Variants in BCKDHB observed in about 807,000 individuals in gnomAD.
BCKDHB encodes branched chain keto acid dehydrogenase E1 subunit beta.
BCKDHB carries 41 observed loss-of-function variants against 48.5 expected under a neutral mutation model. That is an observed-to-expected ratio of 0.85 (90% confidence interval 0.66 to 1.10). The LOEUF (loss-of-function observed/expected upper bound fraction) is 1.10, where lower values mean the gene tolerates loss of function less well. BCKDHB is among the 50% of genes least tolerant of loss of function. The probability of loss-of-function intolerance (pLI) is 0.00; values close to 1 mark genes in which losing one functional copy is unlikely to be tolerated. For synonymous variants in BCKDHB, 201 were observed against 174.8 expected (o/e 1.15, Z -1.18); for missense variants, 496 against 494.2 (o/e 1.00, Z -0.03).
chr6:80,178,933 T>G (rs1773289682), intron 6 of BCKDHB, among the ~76,000 whole-genome samples: 1 of 152,216 alleles, frequency 6.6e-6, no homozygotes, highest in Non-Finnish European at 1.5e-5. Flanking sequence ...ATGGAGGACA[T>G]AAATGAAATA....
intron 3 of BCKDHB, among the ~76,000 whole-genome samples, chr6:80,144,900 G>A (rs1027024514): frequency 6.6e-6 from 1 of 152,106 alleles, no homozygotes. Context: ...TTGTCTTGTA[G>A]CAGTATAGTG....
chr6:80,390,916 C>T, the BCKDHB span, among the ~76,000 whole-genome samples: 2 of 152,064 alleles, frequency 1.3e-5, no homozygotes, highest in South Asian at 4.1e-4. Context: ...TGGGCGCCAT[C>T]CAATCAGCTG....
intron 8 of BCKDHB, among the ~76,000 whole-genome samples, chr6:80,239,807 A>G (rs1387771794): frequency 2.0e-5 from 3 of 152,166 alleles, no homozygotes; most frequent in Non-Finnish European, 4.4e-5. Context: ...ATCCAGTTTC[A>G]GCTTTCTACG....
chr6:80,337,342 G>C (rs1326270343), intron 9 of BCKDHB, among the ~76,000 whole-genome samples: 1 of 152,024 alleles, frequency 6.6e-6, no homozygotes, highest in African/African-American at 2.4e-5. Flanking sequence ...TAGAATACTG[G>C]TTTTGTTTTT....
At chr6:80,156,339 A>G (rs1339349115) in intron 3 of BCKDHB, among the ~76,000 whole-genome samples, 1 of 152,038 alleles carries the variant, frequency 6.6e-6, no homozygotes, top group African/African-American at 2.4e-5. Flanking sequence ...TCTGAAGTGT[A>G]TGAGGCTTTC....
At chr6:80,242,527 GATTA>G (rs1262962573) in intron 8 of BCKDHB, among the ~76,000 whole-genome samples, 2 of 152,058 alleles carry the variant, frequency 1.3e-5, no homozygotes, top group African/African-American at 2.4e-5. Context: ...GGAATTTGAA[GATTA>G]ATTGTTAAGT....
chr6:80,378,095 T>C, the BCKDHB span, among the ~76,000 whole-genome samples: 1 of 152,220 alleles, frequency 6.6e-6, no homozygotes, highest in Non-Finnish European at 1.5e-5. Flanking sequence ...TAAAACTGTT[T>C]TTTACATTTT....
At chr6:80,355,546 C>A in the BCKDHB span, 1 of 151,902 alleles carries the variant, frequency 6.6e-6, no homozygotes, top group Admixed American at 6.6e-5. Flanking sequence ...AGTCTATGTA[C>A]CCTCCCTCCT....
At chr6:80,120,567 G>T (rs1322690499) in intron 1 of BCKDHB, among the ~76,000 whole-genome samples, 1 of 152,104 alleles carries the variant, frequency 6.6e-6, no homozygotes, top group Non-Finnish European at 1.5e-5. Context: ...AATGGTGTGA[G>T]ATGGTATCTC....
chr6:80,158,452 GATAATT>G (rs1772157992), intron 3 of BCKDHB, among the ~76,000 whole-genome samples: 1 of 152,078 alleles, frequency 6.6e-6, no homozygotes, highest in African/African-American at 2.4e-5. Context: ...ATTGTTGTAG[GATAATT>G]ATAATTATAG....
chr6:80,307,885 T>C, intron 9 of BCKDHB: 12 of 972,318 alleles, frequency 1.2e-5, no homozygotes, highest in Non-Finnish European at 1.5e-5. Flanking sequence ...AATAATTAAA[T>C]TAAAAACATA....
At chr6:80,388,301 G>A in the BCKDHB span, among the ~76,000 whole-genome samples, 1 of 152,138 alleles carries the variant, frequency 6.6e-6, no homozygotes, top group African/African-American at 2.4e-5. Context: ...TGGCAGATAG[G>A]GATGCTGTTT....
At chr6:80,426,282 T>A in the BCKDHB span, among the ~76,000 whole-genome samples, 1 of 152,172 alleles carries the variant, frequency 6.6e-6, no homozygotes, top group African/African-American at 2.4e-5. Flanking sequence ...AATAGTTGTT[T>A]CTAAAAACTG....
chr6:80,232,634 G>A (rs949850460), intron 8 of BCKDHB, among the ~76,000 whole-genome samples: 1 of 147,250 alleles, frequency 6.8e-6, no homozygotes, highest in Admixed American at 6.8e-5. Flanking sequence ...TTATGGTATG[G>A]TTACTATGTA....
intron 8 of BCKDHB, among the ~76,000 whole-genome samples, chr6:80,232,191 G>A (rs1055578330): frequency 5.3e-5 from 8 of 151,950 alleles, no homozygotes; most frequent in African/African-American, 2.4e-5. Flanking sequence ...TATTATAGTG[G>A]CTCTTTTCTC....
the BCKDHB span, among the ~76,000 whole-genome samples, chr6:80,424,581 TTTA>T: frequency 6.6e-6 from 1 of 152,210 alleles, no homozygotes; most frequent in Non-Finnish European, 1.5e-5. Flanking sequence ...TGCGTTAATG[TTTA>T]TTTTTAATAC....
intron 9 of BCKDHB, among the ~76,000 whole-genome samples, chr6:80,342,050 C>G (rs990759836): frequency 1.3e-5 from 2 of 152,086 alleles, no homozygotes; most frequent in African/African-American, 4.8e-5. Context: ...TATTGTAAAT[C>G]ATGATAGTTA....
chr6:80,123,258 T>C (rs1416204083), intron 1 of BCKDHB, among the ~76,000 whole-genome samples: 1 of 152,186 alleles, frequency 6.6e-6, no homozygotes, highest in African/African-American at 2.4e-5. Flanking sequence ...TTAACACAAT[T>C]ATCACAGTGG....
At chr6:80,211,040 G>C (rs2127841420) in intron 8 of BCKDHB, among the ~76,000 whole-genome samples, 1 of 152,220 alleles carries the variant, frequency 6.6e-6, no homozygotes, top group South Asian at 2.1e-4. Context: ...ATAAGAACTT[G>C]ATTTTGGCAG....
Sources: allele counts gnomAD v4.1 joint callset (sites outside exome capture counted in the v4.1 genomes callset), GRCh38; gene constraint gnomAD v4.1.1; transcripts MANE v1.5; gene names NCBI Gene and HGNC (gene_info 2026-07-23, HGNC 2026-07-21).